The following DAPK1 variants were observed in gnomAD, a reference collection of about 807,000 sequenced individuals.
The protein encoded by DAPK1 is death-associated protein kinase 1.
In DAPK1, 56 loss-of-function variants were observed where a neutral mutation model predicts 144.9. The observed-to-expected ratio is 0.39, with a 90% CI of 0.31 to 0.48. The LOEUF is 0.48. DAPK1 is among the 20% of genes least tolerant of loss of function. DAPK1 has a pLI of 0.95. For missense variants in DAPK1, 1,454 were observed against 1,875.4 expected (o/e 0.78, Z 4.15); for synonymous variants, 690 against 749.0 (o/e 0.92, Z 1.29).
intron 2 of DAPK1, among the ~76,000 whole-genome samples, chr9:87,519,607 T>C (rs768037792): frequency 1.3e-5 from 2 of 152,094 alleles, no homozygotes; most frequent in Admixed American, 6.5e-5. Context: ...GTACTGCCAA[T>C]TGGGGAGTGT....
At chr9:87,545,607 C>T (rs10780857) in intron 2 of DAPK1, among the ~76,000 whole-genome samples, 66,596 of 151,898 alleles carry the variant, frequency 0.44, 14,827 homozygotes, top group African/African-American at 0.51. Context: ...AGTGCAATAG[C>T]GGGATCTTGG....
intron 3 of DAPK1, among the ~76,000 whole-genome samples, chr9:87,630,626 G>A (rs1224839659): frequency 1.3e-5 from 2 of 152,160 alleles, no homozygotes; most frequent in Admixed American, 6.5e-5. Context: ...ATATTTTACT[G>A]GCTAGAAGTA....
rs534056054 is a variant in DAPK1, at chr9:87,651,460, A to G, written c.1627-67A>G. The stretch of plus-strand genomic sequence containing the variant: ...TAAACCTCACTCGATGGCGGCAGAA[A>G]AGGTGAAGAGACGGAGGCCACATGC... On this transcript the variant is annotated intron_variant, in intron 16 of 25. Coordinates refer to ENST00000408954, the MANE Select transcript of DAPK1 (RefSeq NM_004938.4). The G allele has an allele frequency of 6.7e-6, 10 of 1,495,206 alleles. No homozygotes were observed. The South Asian group carries it at 1.0e-4, about 15-fold the overall frequency. The allele number at this position is 1,495,206 out of a possible 1,614,324, so 92.6% of individuals were successfully genotyped here.
intron 3 of DAPK1, among the ~76,000 whole-genome samples, chr9:87,615,839 G>A (rs1041508466): frequency 1.3e-5 from 2 of 152,226 alleles, no homozygotes; most frequent in Non-Finnish European, 2.9e-5. Context: ...ACAGGAGCCG[G>A]TAGAGAGATG....
intron 3 of DAPK1, among the ~76,000 whole-genome samples, chr9:87,629,663 C>T (rs189845003): frequency 1.4e-3 from 211 of 152,234 alleles, no homozygotes; most frequent in Non-Finnish European, 2.5e-3. Flanking sequence ...GTGTGAACCA[C>T]CATGCCTGGG....
chr9:87,565,574 G>A (rs911207439), intron 2 of DAPK1, among the ~76,000 whole-genome samples: 1 of 105,636 alleles, frequency 9.5e-6, no homozygotes, highest in Non-Finnish European at 1.9e-5. Flanking sequence ...TGAATTTCTG[G>A]ACCTCCAAAG....
rs964141061 is a variant in DAPK1 at position 87,600,237 on chromosome 9, C to T, written c.63-4717C>T. On this transcript the variant is annotated intron_variant, in intron 2 of 25. Coordinates refer to ENST00000408954, the MANE Select transcript of DAPK1 (RefSeq NM_004938.4). ...CGATCCTCTCCAATTTTCCACGATC[C>T]GTGCATGTCCACAAGTGACTGTGAA... 3.3e-5 allele frequency among the ~76,000 whole-genome samples: 5 copies of T among 152,288 alleles called. 1 individual carries two copies. The highest frequency in any genetic ancestry group is 6.5e-5 in the Admixed American group (1 of 15,298).
intron 2 of DAPK1, among the ~76,000 whole-genome samples, chr9:87,514,318 G>A (rs1470919510): frequency 6.6e-6 from 1 of 152,186 alleles, no homozygotes; most frequent in Non-Finnish European, 1.5e-5. Context: ...GTTGTACTTT[G>A]ATTTGTATGG....
chr9:87,505,830 G>A (rs887869772), intron 2 of DAPK1, among the ~76,000 whole-genome samples: 1 of 152,146 alleles, frequency 6.6e-6, no homozygotes, highest in Non-Finnish European at 1.5e-5. Flanking sequence ...TGGAATTATA[G>A]GCATGCATCA....
chr9:87,502,177 A>G (rs1366834557), intron 2 of DAPK1, among the ~76,000 whole-genome samples: 1 of 152,018 alleles, frequency 6.6e-6, no homozygotes, highest in Non-Finnish European at 1.5e-5. Context: ...CATGGGGAGA[A>G]GGGTTGCTGA....
chr9:87,681,193 G>T (rs1042947217), intron 19 of DAPK1, among the ~76,000 whole-genome samples: 2 of 151,656 alleles, frequency 1.3e-5, no homozygotes, highest in South Asian at 4.2e-4. Flanking sequence ...CAGGAGAATC[G>T]CTTGAACCCA....
intron 20 of DAPK1, chr9:87,681,860 A>G (rs1014127036): frequency 3.1e-5 from 18 of 573,410 alleles, no homozygotes; most frequent in Non-Finnish European, 5.0e-5. Flanking sequence ...CTGAAATCAC[A>G]GCCACAGACA....
intron 20 of DAPK1, among the ~76,000 whole-genome samples, chr9:87,682,038 G>A (rs971859280): frequency 6.6e-6 from 1 of 152,156 alleles, no homozygotes; most frequent in African/African-American, 2.4e-5. Flanking sequence ...AGCCCAAGAA[G>A]GGTCCTCAAC....
chr9:87,549,657 A>G (rs1175898721), intron 2 of DAPK1, among the ~76,000 whole-genome samples: 1 of 152,220 alleles, frequency 6.6e-6, no homozygotes, highest in Non-Finnish European at 1.5e-5. Context: ...TCAGCACAAA[A>G]TAATGTCCCC....
At chr9:87,517,413 C>T (rs1408675164) in intron 2 of DAPK1, among the ~76,000 whole-genome samples, 2 of 152,080 alleles carry the variant, frequency 1.3e-5, no homozygotes, top group Admixed American at 6.5e-5. Context: ...CACATTCATC[C>T]AGCACTGAGA....
chr9:87,586,936 G>C (rs1457811766), intron 2 of DAPK1, among the ~76,000 whole-genome samples: 1 of 152,192 alleles, frequency 6.6e-6, no homozygotes, highest in Admixed American at 6.5e-5. Context: ...GGAATTCCAA[G>C]GACCAAGGCT....
chr9:87,640,174 A>C (rs1830046366), intron 7 of DAPK1, 124 bp from the exon 8 acceptor site: 1 of 1,000,460 alleles, frequency 1.0e-6, no homozygotes, highest in Non-Finnish European at 1.5e-6. Flanking sequence ...ATGAAATATA[A>C]TCAAACTGTG....
intron 2 of DAPK1, among the ~76,000 whole-genome samples, chr9:87,540,953 T>TA (rs1281856964): frequency 6.6e-6 from 1 of 152,240 alleles, no homozygotes; most frequent in Non-Finnish European, 1.5e-5. Context: ...GAGTTTTTCT[T>TA]ACCAATCTAA....
At chr9:87,604,380 G>A (rs541052368) in intron 2 of DAPK1, among the ~76,000 whole-genome samples, 14 of 152,298 alleles carry the variant, frequency 9.2e-5, no homozygotes, top group African/African-American at 2.6e-4. Flanking sequence ...ACCTTGAGAC[G>A]GGAGGAGAGG....
Sources: allele counts gnomAD v4.1 joint callset (sites outside exome capture counted in the v4.1 genomes callset), GRCh38; gene constraint gnomAD v4.1.1; transcripts MANE v1.5; gene names NCBI Gene and HGNC (gene_info 2026-07-23, HGNC 2026-07-21).